The following RNF14 variants were observed in gnomAD, a reference collection of about 807,000 sequenced individuals.
RNF14 encodes the protein ring finger protein 14.
A neutral mutation model predicts 52.6 loss-of-function variants in RNF14; 26 were observed. That is an observed-to-expected ratio of 0.49 (90% CI 0.36 to 0.69). The LOEUF is 0.69. Among genes scored for constraint, RNF14 ranks in the 30% least tolerant of loss-of-function variants. RNF14 has a pLI of 0.00. For missense variants in RNF14, 404 were observed against 560.4 expected, an observed-to-expected ratio of 0.72 and a Z score of 2.82; for synonymous variants, 194 against 202.0, an observed-to-expected ratio of 0.96 and a Z score of 0.34.
At chr5:141,956,373 T>G (rs1198534505), upstream of RNF14, 18 of 1,614,124 alleles carry the variant, frequency 1.1e-5, no homozygotes, top group Non-Finnish European at 1.4e-5. Context: ...ATGAGACTTT[T>G]CCATTAATGC....
chr5:141,982,944 GAAATCA>G (rs1754909832), intron 6 of RNF14, among the ~76,000 whole-genome samples: 1 of 152,078 alleles, frequency 6.6e-6, no homozygotes, highest in Admixed American at 6.6e-5. Context: ...CCAACATTAA[GAAATCA>G]AAATCAAAGG....
upstream of RNF14, chr5:141,957,154 T>C: frequency 6.2e-7 from 1 of 1,614,174 alleles, no homozygotes; most frequent in South Asian, 1.1e-5. The surrounding 1 kb of genome is among the most constrained non-coding windows in gnomAD (Gnocchi z 4.3). Flanking sequence ...GTCCAAGACG[T>C]TGACCTTGAC....
chr5:141,976,490 CAAAT>C (rs1754264877), intron 4 of RNF14, among the ~76,000 whole-genome samples: 1 of 152,096 alleles, frequency 6.6e-6, no homozygotes, highest in Non-Finnish European at 1.5e-5. Flanking sequence ...AATTCTTAAT[CAAAT>C]AAATGTTTAT....
rs951387262 is a variant in RNF14 at position 141,973,831 on chromosome 5, T to C, written c.154+89T>C. 12 of 1,153,096 alleles carry C rather than the reference T, an allele frequency of 1.0e-5. No individual in the cohort carries two copies. In the Admixed American group the frequency reaches 2.8e-4, roughly 27 times the overall value. 71.4% of individuals were successfully genotyped at this position (1,153,096 alleles called of 1,614,324 possible). On this transcript the variant is annotated intron_variant, in intron 3 of 8. Coordinates refer to ENST00000394520, the MANE Select transcript of RNF14 (RefSeq NM_004290.5). ...TATTTGTCATTTTGTGTTTTAGGCATTAGTGATAGGTGGTAGTATTACAGA... is the reference window on the plus strand; with the variant it reads ...TATTTGTCATTTTGTGTTTTAGGCACTAGTGATAGGTGGTAGTATTACAGA...
chr5:141,973,331 C>T (rs954064489), intron 2 of RNF14, among the ~76,000 whole-genome samples: 6 of 151,588 alleles, frequency 4.0e-5, no homozygotes, highest in African/African-American at 9.7e-5. Flanking sequence ...CTCCACCTCC[C>T]GGTTCAAGCG....
chr5:141,979,316 C>G (rs189588337), intron 5 of RNF14, among the ~76,000 whole-genome samples: 23 of 152,246 alleles, frequency 1.5e-4, no homozygotes, highest in African/African-American at 4.3e-4. Context: ...GGGGCATGAT[C>G]TCAGCTCACG....
chr5:141,949,468 C>T, the RNF14 span: 2 of 1,614,088 alleles, frequency 1.2e-6, no homozygotes, highest in East Asian at 2.2e-5. Flanking sequence ...AGCTCTTCTT[C>T]TAGCAGTTGC....
At chr5:141,955,999 A>C, upstream of RNF14, 4 of 1,614,144 alleles carry the variant, frequency 2.5e-6, no homozygotes, top group Non-Finnish European at 3.4e-6. The surrounding 1 kb of genome is among the most constrained non-coding windows in gnomAD (Gnocchi z 5.5). Flanking sequence ...AATGGTTGTC[A>C]AAAGGAATGG....
At chr5:141,969,944 C>T (rs373616207) in intron 1 of RNF14, among the ~76,000 whole-genome samples, 1 of 152,140 alleles carries the variant, frequency 6.6e-6, no homozygotes, top group East Asian at 1.9e-4. Flanking sequence ...CAATTAGCAC[C>T]ATATACTCCC....
At chr5:141,971,520 C>A (rs1161390399) in intron 2 of RNF14, among the ~76,000 whole-genome samples, 1 of 151,676 alleles carries the variant, frequency 6.6e-6, no homozygotes, top group Non-Finnish European at 1.5e-5. Flanking sequence ...GGGCATGAGC[C>A]ACCATATCCA....
At chr5:141,964,780 A>ATTT (rs67577436), upstream of RNF14, among the ~76,000 whole-genome samples, 13 of 137,674 alleles carry the variant, frequency 9.4e-5, 1 homozygote, top group African/African-American at 3.0e-4. Flanking sequence ...AGCCCGGCTA[A>ATTT]TTTTTTTTTT....
At chr5:141,958,898 T>A (rs1459732969) in intron 1 of RNF14, 1 of 152,258 alleles carries the variant, frequency 6.6e-6, no homozygotes, top group African/African-American at 2.4e-5. Context: ...AAGGGGTGAG[T>A]GTTGTAATCT....
chr5:141,985,029 T>C, intron 8 of RNF14, 96 bp downstream of exon 8: 3 of 1,093,688 alleles, frequency 2.7e-6, no homozygotes, highest in Non-Finnish European at 4.0e-6. Flanking sequence ...CTTGGACTTA[T>C]TTAGAGAATT....
upstream of RNF14, chr5:141,956,906 G>A: frequency 1.2e-6 from 2 of 1,614,152 alleles, no homozygotes; most frequent in Non-Finnish European, 1.7e-6. Flanking sequence ...TCGTAGGCAG[G>A]GTTCTTTTCA....
At chr5:141,958,822 A>G (rs1187478962) in intron 1 of RNF14, 1 of 152,336 alleles carries the variant, frequency 6.6e-6, no homozygotes, top group Non-Finnish European at 1.5e-5. Context: ...TGAGGATTAA[A>G]CGAAATGATG....
At chr5:141,957,655 A>G, upstream of RNF14, 1 of 1,614,154 alleles carries the variant, frequency 6.2e-7, no homozygotes, top group Non-Finnish European at 8.5e-7. This position sits in a 1 kb window ranked among gnomAD's most constrained non-coding sequence, Gnocchi z 4.3. Context: ...CAACACCTGG[A>G]AGGCAGCCCC....
intron 1 of RNF14, chr5:141,969,653 A>G (rs1312014519): frequency 6.6e-6 from 1 of 152,302 alleles, no homozygotes; most frequent in African/African-American, 2.4e-5. Context: ...ACAAGCTGAA[A>G]TCTTGTAGGG....
At chr5:141,964,789 T>C (rs1253617338), upstream of RNF14, among the ~76,000 whole-genome samples, 1 of 149,228 alleles carries the variant, frequency 6.7e-6, no homozygotes, top group Non-Finnish European at 1.5e-5. Flanking sequence ...AATTTTTTTT[T>C]TTTTTTTTTG....
chr5:141,954,565 A>G (rs1384253448), upstream of RNF14, among the ~76,000 whole-genome samples: 5 of 152,232 alleles, frequency 3.3e-5, no homozygotes, highest in Non-Finnish European at 7.3e-5. Context: ...GTTCAGAGCT[A>G]GGAAGAAGTG....
Sources: allele counts gnomAD v4.1 joint callset (sites outside exome capture counted in the v4.1 genomes callset), GRCh38; gene constraint gnomAD v4.1.1; non-coding constraint Gnocchi (gnomAD v3.1); transcripts MANE v1.5; gene names NCBI Gene and HGNC (gene_info 2026-07-23, HGNC 2026-07-21).